Variants in ZNF782 observed in about 807,000 individuals in gnomAD.
The protein encoded by ZNF782 is zinc finger protein 782.
Under a neutral mutation model 13.0 loss-of-function variants are expected in ZNF782, and 12 were observed. The ratio of observed to expected loss-of-function variants is 0.92; its 90% confidence interval spans 0.59 to 1.50. The LOEUF (loss-of-function observed/expected upper bound fraction) is 1.50. Ranked by LOEUF, ZNF782 falls within the 40% of genes most tolerant of loss-of-function variation. The pLI is 0.00. For missense variants in ZNF782, 770 were observed against 822.9 expected (o/e 0.94, Z 0.79); for synonymous variants, 284 against 283.0 (o/e 1.00, Z -0.04).
intron 3 of ZNF782, among the ~76,000 whole-genome samples, chr9:96,849,333 A>G (rs1426805425): frequency 1.3e-5 from 2 of 152,208 alleles, no homozygotes; most frequent in Non-Finnish European, 2.9e-5. Context: ...GGTAGAGCTC[A>G]GGTGGTAATG....
At chr9:96,895,755 T>A in the ZNF782 span, 3 of 149,696 alleles carry the variant, frequency 2.0e-5, no homozygotes, top group African/African-American at 7.7e-5. Flanking sequence ...AGTTTAGGTC[T>A]GTCTTGCAGT....
intron 1 of ZNF782, among the ~76,000 whole-genome samples, chr9:96,869,539 G>C (rs1206417913): frequency 6.6e-6 from 1 of 152,184 alleles, no homozygotes; most frequent in Non-Finnish European, 1.5e-5. Context: ...CACTTAGACT[G>C]TATAAGGTAT....
rs1233045379 is a variant in ZNF782 at position 96,816,300 on chromosome 9, T to G, written c.*1623A>C. Among the ~76,000 whole-genome samples the G allele has an allele frequency of 1.3e-5, 2 of 152,208 alleles. No individual in the cohort carries two copies. The highest frequency in any genetic ancestry group is 2.9e-5 in the Non-Finnish European group (2 of 68,036). On this transcript the variant is annotated 3_prime_UTR_variant, in exon 6 of 6. Coordinates refer to ENST00000481138, the MANE Select transcript of ZNF782 (RefSeq NM_001001662.3). Reference sequence around the variant, plus strand: ...GTAAAAGGTTTGTTATTAATATTCATGTGGCAAATTGTAGCTGATGTCAAA... The same window carrying G: ...GTAAAAGGTTTGTTATTAATATTCAGGTGGCAAATTGTAGCTGATGTCAAA...
At chr9:96,931,035 C>T in the ZNF782 span, among the ~76,000 whole-genome samples, 2 of 151,844 alleles carry the variant, frequency 1.3e-5, no homozygotes, top group African/African-American at 4.8e-5. Context: ...GCTGCGATTA[C>T]AGGCACGCAT....
the ZNF782 span, among the ~76,000 whole-genome samples, chr9:96,908,268 C>G: frequency 6.6e-6 from 1 of 151,654 alleles, no homozygotes; most frequent in East Asian, 1.9e-4. Flanking sequence ...TTCCTGGGCT[C>G]AAGTGATCCT....
chr9:96,883,217 A>G, the ZNF782 span, among the ~76,000 whole-genome samples: 3 of 152,178 alleles, frequency 2.0e-5, no homozygotes, highest in African/African-American at 7.2e-5. Context: ...ATCCCAAAAT[A>G]TGGGGTGTGG....
intron 4 of ZNF782, among the ~76,000 whole-genome samples, chr9:96,837,256 C>T (rs1466095483): frequency 2.0e-5 from 3 of 152,188 alleles, no homozygotes; most frequent in Non-Finnish European, 4.4e-5. Flanking sequence ...TTTGAGCTTT[C>T]TATCTCTTCA....
At chr9:96,929,201 G>C in the ZNF782 span, among the ~76,000 whole-genome samples, 5 of 152,204 alleles carry the variant, frequency 3.3e-5, no homozygotes, top group Non-Finnish European at 7.3e-5. Flanking sequence ...GGCACCCTGA[G>C]TCTGTGGTTA....
the ZNF782 span, among the ~76,000 whole-genome samples, chr9:96,913,548 C>A: frequency 6.6e-6 from 1 of 150,750 alleles, no homozygotes; most frequent in Non-Finnish European, 1.5e-5. Flanking sequence ...GGGGACGGAG[C>A]CTTGCTCTGA....
At chr9:96,932,652 A>AT in the ZNF782 span, among the ~76,000 whole-genome samples, 2,680 of 130,162 alleles carry the variant, frequency 0.021, 16 homozygotes, top group Non-Finnish European at 0.027. Flanking sequence ...CCAATCCTTA[A>AT]TTTTTTTTTT....
intron 4 of ZNF782, among the ~76,000 whole-genome samples, chr9:96,837,890 C>T: frequency 6.6e-6 from 1 of 152,096 alleles, no homozygotes; most frequent in Admixed American, 6.6e-5. Flanking sequence ...ATGCCTGGCT[C>T]ATTTTTATAT....
Position 96,827,007 on chromosome 9 carries a change from G to C in ZNF782, c.244+73C>G. On this transcript the variant is annotated intron_variant, in intron 5 of 5. Transcript: ENST00000481138. ...GTGTATAAATTTTAACCATTATTAT[G>C]ACTATACGCTGAGTTGTGTGAGTAC... The C allele has an allele frequency of 3.2e-6, 3 of 942,710 alleles. No individual in the cohort carries two copies. In the South Asian group the frequency reaches 5.2e-5, roughly 16 times the overall value. 58.4% of individuals were successfully genotyped at this position (942,710 alleles called of 1,614,324 possible).
upstream of ZNF782, among the ~76,000 whole-genome samples, chr9:96,879,580 T>C (rs965783998): frequency 2.0e-5 from 3 of 151,960 alleles, no homozygotes; most frequent in Non-Finnish European, 4.4e-5. Context: ...CTGGGCAGAG[T>C]TGGTGAGACG....
the ZNF782 span, chr9:96,928,680 CAGA>C: frequency 2.7e-4 from 99 of 372,990 alleles, no homozygotes; most frequent in Admixed American, 5.0e-4. Context: ...TGCTGTGAGT[CAGA>C]AGGACAATTT....
chr9:96,829,763 T>A (rs1375678791), intron 4 of ZNF782, among the ~76,000 whole-genome samples: 2 of 151,922 alleles, frequency 1.3e-5, no homozygotes, highest in Non-Finnish European at 2.9e-5. Flanking sequence ...GCTCTCCAAA[T>A]AGGAATTGAG....
At chr9:96,852,084 C>A in intron 2 of ZNF782, 79 bp from the exon 3 acceptor site, 1 of 944,450 alleles carries the variant, frequency 1.1e-6, no homozygotes, top group Middle Eastern at 2.2e-4. Flanking sequence ...ATCTCAGCAA[C>A]CCAGTTGGAG....
chr9:96,831,893 T>C (rs937104550), intron 4 of ZNF782, among the ~76,000 whole-genome samples: 1 of 152,178 alleles, frequency 6.6e-6, no homozygotes, highest in Non-Finnish European at 1.5e-5. Flanking sequence ...ATCTACCTAT[T>C]ATTTTTTAAG....
chr9:96,855,069 G>T (rs1033515821), upstream of ZNF782, among the ~76,000 whole-genome samples: 1 of 152,162 alleles, frequency 6.6e-6, no homozygotes, highest in African/African-American at 2.4e-5. Flanking sequence ...CTGTCCTGGC[G>T]CCCCCAGGCG....
chr9:96,918,319 A>T, the ZNF782 span, among the ~76,000 whole-genome samples: 1 of 146,784 alleles, frequency 6.8e-6, no homozygotes, highest in African/African-American at 2.5e-5. Flanking sequence ...CTGAGGGGGG[A>T]GAATTGCTTC....
Sources: gnomAD v4.1 joint callset for allele counts (sites outside exome capture counted in the v4.1 genomes callset) on GRCh38, gnomAD v4.1.1 for gene constraint, MANE v1.5 for transcripts, NCBI Gene and HGNC (gene_info 2026-07-23, HGNC 2026-07-21) for gene names.